The following WDPCP variants were observed in gnomAD, a reference collection of about 807,000 sequenced individuals.
WDPCP encodes the protein WD repeat-containing and planar cell polarity effector protein fritz homolog.
In WDPCP, 71 loss-of-function variants were observed where a neutral mutation model predicts 93.1. The ratio of observed to expected loss-of-function variants is 0.76; its 90% CI spans 0.63 to 0.93. The LOEUF (loss-of-function observed/expected upper bound fraction) is 0.93. Among genes scored for constraint, WDPCP ranks in the 40% least tolerant of loss-of-function variants. The pLI is 0.00. For missense variants in WDPCP, 844 were observed against 887.4 expected, an observed-to-expected ratio of 0.95 and a Z score of 0.62; for synonymous variants, 315 against 315.0, an observed-to-expected ratio of 1.00 and a Z score of 0.00.
chr2:63,829,530 C>G (rs757099400), upstream of WDPCP, among the ~76,000 whole-genome samples: 9 of 152,064 alleles, frequency 5.9e-5, no homozygotes, highest in Non-Finnish European at 1.3e-4. Flanking sequence ...TTCCCTTAGT[C>G]TTCTCTTTGC....
At chr2:63,719,979 A>G (rs954517913) in intron 2 of WDPCP, among the ~76,000 whole-genome samples, 5 of 152,210 alleles carry the variant, frequency 3.3e-5, no homozygotes, top group Non-Finnish European at 7.4e-5. Flanking sequence ...GATACCCAAG[A>G]AACTATGAAT....
At chr2:63,503,918 A>C (rs1013850011) in intron 1 of WDPCP, among the ~76,000 whole-genome samples, 1 of 151,914 alleles carries the variant, frequency 6.6e-6, no homozygotes, top group Admixed American at 6.6e-5. Context: ...AAAAAAAAAA[A>C]AAACAGAAAT....
the WDPCP span, among the ~76,000 whole-genome samples, chr2:63,834,982 T>C: frequency 7.2e-5 from 11 of 152,206 alleles, no homozygotes; most frequent in Non-Finnish European, 1.6e-4. Context: ...TAAAGTACTT[T>C]CTAGAAAAAA....
At chr2:63,452,723 T>C (rs549603258) in intron 6 of WDPCP, among the ~76,000 whole-genome samples, 166 of 152,208 alleles carry the variant, frequency 1.1e-3, no homozygotes, top group Non-Finnish European at 1.3e-3. Context: ...CAAAACAGTA[T>C]GGTACTGGTA....
intron 1 of WDPCP, among the ~76,000 whole-genome samples, chr2:63,504,371 G>A (rs954930733): frequency 1.6e-5 from 2 of 126,996 alleles, no homozygotes; most frequent in Non-Finnish European, 3.4e-5. Flanking sequence ...TGTGTGTGAT[G>A]TATTTTATTC....
chr2:63,369,578 C>A (rs1330587608), intron 12 of WDPCP: 2 of 448,352 alleles, frequency 4.5e-6, no homozygotes, highest in African/African-American at 4.1e-5. Context: ...TTTGTACATC[C>A]CAAATGAAAA....
intron 1 of WDPCP, among the ~76,000 whole-genome samples, chr2:63,559,084 A>G (rs1241646894): frequency 6.6e-6 from 1 of 152,204 alleles, no homozygotes; most frequent in Non-Finnish European, 1.5e-5. Context: ...CCTATCCACC[A>G]CGATCAAGTC....
At chr2:63,572,936 A>C (rs991888453) in intron 1 of WDPCP, among the ~76,000 whole-genome samples, 3 of 152,058 alleles carry the variant, frequency 2.0e-5, no homozygotes, top group African/African-American at 7.2e-5. Flanking sequence ...TAGTTAGAAG[A>C]GGATTTCTGC....
intron 2 of WDPCP, among the ~76,000 whole-genome samples, chr2:63,800,241 C>G (rs937494933): frequency 1.3e-5 from 2 of 152,002 alleles, no homozygotes; most frequent in East Asian, 3.9e-4. Context: ...ATTTCAGAAC[C>G]ACTGAGAAAC....
intron 2 of WDPCP, among the ~76,000 whole-genome samples, chr2:63,705,142 A>T (rs1669129115): frequency 6.6e-6 from 1 of 151,898 alleles, no homozygotes; most frequent in Admixed American, 6.6e-5. Flanking sequence ...ATCGGTGGTG[A>T]TATCCCCTTT....
At chr2:63,476,638 T>C (rs1028460434) in intron 6 of WDPCP, among the ~76,000 whole-genome samples, 7 of 152,302 alleles carry the variant, frequency 4.6e-5, no homozygotes, top group Admixed American at 3.3e-4. Context: ...TATATTTCTT[T>C]AGTGACTCCC....
intron 3 of WDPCP, chr2:63,597,523 C>A: frequency 6.6e-7 from 1 of 1,504,002 alleles, no homozygotes; most frequent in Non-Finnish European, 8.9e-7. Flanking sequence ...ATGTGAAAAT[C>A]TTCAAATCCC....
chr2:63,640,334 C>T (rs746805424), intron 3 of WDPCP, among the ~76,000 whole-genome samples: 2 of 152,130 alleles, frequency 1.3e-5, no homozygotes, highest in Admixed American at 6.5e-5. Context: ...TACAAACCTG[C>T]ACATGAAAAA....
At chr2:63,599,586 A>G (rs1045735891) in intron 3 of WDPCP, 1 of 204,452 alleles carries the variant, frequency 4.9e-6, no homozygotes, top group Non-Finnish European at 9.9e-6. Context: ...GTGGTTAAAA[A>G]TTAGTTATAC....
rs575784980 is a variant in WDPCP at position 63,261,421 on chromosome 2, A to G, written c.1813-2012T>C. On this transcript the variant is annotated intron_variant, in intron 13 of 17. Transcript: ENST00000272321. ...TAATAGAATTCTAAAAATGCCTGCC[A>G]GTCTGTTGAATATACTCAATTAAAA... 3.3e-5 allele frequency among the ~76,000 whole-genome samples: 5 copies of G among 152,304 alleles called. No individual in the cohort carries two copies. In the East Asian group the frequency reaches 7.7e-4, roughly 23 times the overall value.
In WDPCP at chr2:63,378,497, G is replaced by C. The variant is rs1692039979; in HGVS notation, c.1637C>G (p.Thr546Arg). 3 of 1,613,114 alleles carry C rather than the reference G, an allele frequency of 1.9e-6. No homozygotes were observed. Among genetic ancestry groups the C allele is most frequent in the Non-Finnish European group, 2.5e-6 (3 of 1,179,344 alleles). Residue 546 changes from threonine (T) to arginine (R), a missense_variant, in exon 12 of 18, where the codon ACA becomes AGA. By Grantham distance (71) the Thr-to-Arg change is moderately conservative (BLOSUM62 -1). Coordinates refer to ENST00000272321, the MANE Select transcript of WDPCP (RefSeq NM_015910.7). ...LTPEREAQLE[T>R]SLGTFYAPTR... Reference sequence around the variant, plus strand: ...TGGAGCATAGAAGGTTCCAAGGCTTGTCTCAAGCTGTGCTGTGGAATTCAA... The same window carrying C: ...TGGAGCATAGAAGGTTCCAAGGCTTCTCTCAAGCTGTGCTGTGGAATTCAA...
intron 12 of WDPCP, among the ~76,000 whole-genome samples, chr2:63,321,270 G>T (rs1340953630): frequency 1.3e-5 from 2 of 151,848 alleles, no homozygotes; most frequent in African/African-American, 4.8e-5. Flanking sequence ...TCATGTAACT[G>T]ATATTATAGA....
intron 6 of WDPCP, among the ~76,000 whole-genome samples, chr2:63,445,151 TA>T (rs564543441): frequency 5.8e-5 from 8 of 139,086 alleles, no homozygotes; most frequent in East Asian, 6.5e-4. Flanking sequence ...TTCAGTAAGT[TA>T]AAAAAAAACA....
intron 6 of WDPCP, among the ~76,000 whole-genome samples, chr2:63,451,102 G>A (rs187097357): frequency 6.6e-6 from 1 of 151,824 alleles, no homozygotes; most frequent in African/African-American, 2.4e-5. Flanking sequence ...TACGAAATAA[G>A]AAAAAGAATT....
Sources: gnomAD v4.1 joint callset for allele counts (sites outside exome capture counted in the v4.1 genomes callset) on GRCh38, gnomAD v4.1.1 for gene constraint, MANE v1.5 for transcripts, NCBI Gene and HGNC (gene_info 2026-07-23, HGNC 2026-07-21) for gene names.